THSD7B: variants seen among roughly 807,000 people sequenced by gnomAD.
The protein encoded by THSD7B is thrombospondin type-1 domain-containing protein 7B.
A neutral mutation model predicts 213.6 loss-of-function variants in THSD7B; 138 were observed. The observed-to-expected ratio is 0.65, with a 90% CI of 0.56 to 0.74. THSD7B has a LOEUF of 0.74. Among genes scored for constraint, THSD7B ranks in the 30% least tolerant of loss-of-function variants. The pLI is 0.00. For missense variants in THSD7B, 1,931 were observed against 1,991.5 expected (o/e 0.97, Z 0.58); for synonymous variants, 742 against 687.0 (o/e 1.08, Z -1.25).
At chr2:136,984,002 T>G (rs1685629549) in intron 2 of THSD7B, among the ~76,000 whole-genome samples, 1 of 152,228 alleles carries the variant, frequency 6.6e-6, no homozygotes, top group Admixed American at 6.5e-5. Context: ...CTTTTGCTTT[T>G]AAGATAGTAA....
intron 15 of THSD7B, among the ~76,000 whole-genome samples, chr2:137,517,581 A>G (rs1293480079): frequency 1.3e-5 from 2 of 152,198 alleles, no homozygotes; most frequent in Non-Finnish European, 2.9e-5. Flanking sequence ...CCTCATTTGA[A>G]TGTGTTACTC....
chr2:137,133,194 T>C (rs1033425948), intron 5 of THSD7B, among the ~76,000 whole-genome samples: 1 of 152,130 alleles, frequency 6.6e-6, no homozygotes, highest in African/African-American at 2.4e-5. Context: ...GCAAAACTGG[T>C]TTGTTTTCTC....
At chr2:137,296,700 TAA>T (rs1405734522) in intron 12 of THSD7B, among the ~76,000 whole-genome samples, 5 of 152,170 alleles carry the variant, frequency 3.3e-5, no homozygotes, top group South Asian at 2.1e-4. Flanking sequence ...CAGATATTTC[TAA>T]AAATGTCCTC....
intron 14 of THSD7B, among the ~76,000 whole-genome samples, chr2:137,434,584 C>T (rs187269937): frequency 2.7e-3 from 417 of 152,298 alleles, no homozygotes; most frequent in African/African-American, 9.0e-3. Context: ...GCTCATGGCT[C>T]CTTTCAGGTA....
chr2:137,129,770 A>C (rs1376505069), intron 5 of THSD7B, among the ~76,000 whole-genome samples: 3 of 152,170 alleles, frequency 2.0e-5, no homozygotes, highest in African/African-American at 4.8e-5. Flanking sequence ...AGCATTACAC[A>C]GTCATTTCTT....
intron 2 of THSD7B, among the ~76,000 whole-genome samples, chr2:137,044,788 C>A: frequency 6.6e-6 from 1 of 152,040 alleles, no homozygotes. Context: ...AATGACTGTG[C>A]GATGATATGA....
intron 2 of THSD7B, among the ~76,000 whole-genome samples, chr2:136,952,220 C>CA (rs564895582): frequency 6.6e-6 from 1 of 151,796 alleles, no homozygotes; most frequent in Non-Finnish European, 1.5e-5. Flanking sequence ...CCCACCCCCC[C>CA]AAAAAAGCAC....
intron 2 of THSD7B, among the ~76,000 whole-genome samples, chr2:137,001,749 A>T (rs2104825594): frequency 6.6e-6 from 1 of 152,210 alleles, no homozygotes; most frequent in South Asian, 2.1e-4. Context: ...TTTAGCTTCA[A>T]CCCACTTTTT....
intron 14 of THSD7B, among the ~76,000 whole-genome samples, chr2:137,428,677 A>C (rs1445195169): frequency 6.6e-6 from 1 of 152,220 alleles, no homozygotes; most frequent in African/African-American, 2.4e-5. Flanking sequence ...TAGACATAAG[A>C]AACCAGTCAC....
chr2:137,052,535 A>G (rs898388010), intron 2 of THSD7B, among the ~76,000 whole-genome samples: 1 of 152,088 alleles, frequency 6.6e-6, no homozygotes, highest in East Asian at 1.9e-4. Flanking sequence ...AATACTGTTA[A>G]TATATAATAC....
At chr2:137,110,637 G>GA (rs2104934174) in intron 4 of THSD7B, among the ~76,000 whole-genome samples, 1 of 152,260 alleles carries the variant, frequency 6.6e-6, no homozygotes, top group Admixed American at 6.5e-5. Flanking sequence ...TTGGGGCCTT[G>GA]AAAAGACATT....
intron 17 of THSD7B, among the ~76,000 whole-genome samples, chr2:137,598,305 A>T (rs908897940): frequency 2.0e-5 from 3 of 152,162 alleles, no homozygotes; most frequent in African/African-American, 7.2e-5. Flanking sequence ...GCTACATCTG[A>T]TAAATCTAGA....
chr2:137,425,743 A>G (rs1687041157), intron 14 of THSD7B, among the ~76,000 whole-genome samples: 1 of 152,214 alleles, frequency 6.6e-6, no homozygotes, highest in Non-Finnish European at 1.5e-5. Flanking sequence ...CCTCAATGGT[A>G]AAAAGTTGAA....
At chr2:137,303,632 A>C (rs1451730672) in intron 12 of THSD7B, among the ~76,000 whole-genome samples, 4 of 145,592 alleles carry the variant, frequency 2.7e-5, no homozygotes, top group African/African-American at 7.6e-5. Flanking sequence ...CCCACTCTTT[A>C]CAGACATATA....
At chr2:137,055,679 C>G (rs1003492411) in intron 2 of THSD7B, among the ~76,000 whole-genome samples, 1 of 152,104 alleles carries the variant, frequency 6.6e-6, no homozygotes, top group Admixed American at 6.5e-5. Context: ...GAAACTGTAC[C>G]TGGATCAGTA....
intron 12 of THSD7B, among the ~76,000 whole-genome samples, chr2:137,286,625 A>T (rs925006496): frequency 1.3e-5 from 2 of 151,716 alleles, no homozygotes; most frequent in South Asian, 2.1e-4. Flanking sequence ...AGCAAAGCAC[A>T]TATATAGGTT....
chr2:137,130,391 A>ATTC (rs1026570801), intron 5 of THSD7B, among the ~76,000 whole-genome samples: 5 of 151,940 alleles, frequency 3.3e-5, no homozygotes, highest in African/African-American at 1.2e-4. Context: ...TATTATTATT[A>ATTC]TTATACTTTA....
chr2:137,408,183 TAAG>T (rs1445592441), intron 13 of THSD7B, among the ~76,000 whole-genome samples: 6 of 152,198 alleles, frequency 3.9e-5, no homozygotes, highest in Non-Finnish European at 7.4e-5. Context: ...GCTATATAAT[TAAG>T]AAGGATATCA....
At chr2:137,638,100 C>G (rs999408509) in intron 20 of THSD7B, among the ~76,000 whole-genome samples, 2 of 152,150 alleles carry the variant, frequency 1.3e-5, no homozygotes, top group African/African-American at 4.8e-5. Flanking sequence ...CATATACACT[C>G]CATGCAAGAG....
Sources: gnomAD v4.1 joint callset for allele counts (sites outside exome capture counted in the v4.1 genomes callset) on GRCh38, gnomAD v4.1.1 for gene constraint, MANE v1.5 for transcripts, NCBI Gene and HGNC (gene_info 2026-07-23, HGNC 2026-07-21) for gene names.